Variants in CASS4 observed in about 807,000 individuals in gnomAD.
CASS4 encodes cas scaffolding protein family member 4.
CASS4 carries 22 observed loss-of-function variants against 54.2 expected under a neutral mutation model. That is an observed-to-expected ratio of 0.41 (90% confidence interval 0.29 to 0.58). CASS4 has a LOEUF of 0.58. Among genes scored for constraint, CASS4 ranks in the 20% least tolerant of loss-of-function variants. CASS4 has a pLI of 0.36. For synonymous variants in CASS4, 409 were observed against 391.5 expected (o/e 1.04, Z -0.53); for missense variants, 854 against 986.7 (o/e 0.87, Z 1.80).
intron 3 of CASS4, among the ~76,000 whole-genome samples, chr20:56,446,907 C>G (rs1172099682): frequency 6.6e-6 from 1 of 152,114 alleles, no homozygotes; most frequent in Non-Finnish European, 1.5e-5. Flanking sequence ...TGGTCACTCA[C>G]AGGTAATAAG....
rs751281257 is a variant in CASS4 at position 56,459,444 on chromosome 20, GTTC to G, written c.*704_*706del. 1 of 270,012 alleles carries G rather than the reference GTTC, an allele frequency of 3.7e-6. No individual in the cohort carries two copies. Among genetic ancestry groups the G allele is most frequent in the Non-Finnish European group, 7.8e-6 (1 of 128,352 alleles). 16.7% of individuals were successfully genotyped at this position (270,012 alleles called of 1,614,324 possible). On this transcript the variant is annotated 3_prime_UTR_variant, in exon 6 of 6. Transcript: ENST00000679887. ...TGCAATTCCTTATAGGGCTAGCTTGGTTCTTCTTCAATGTCTCCTTTTGGAGTT... is the reference window on the plus strand; with the variant it reads ...TGCAATTCCTTATAGGGCTAGCTTGGTTCTTCAATGTCTCCTTTTGGAGTT...
At chr20:56,416,416 G>T (rs765987665) in intron 1 of CASS4, among the ~76,000 whole-genome samples, 1 of 152,132 alleles carries the variant, frequency 6.6e-6, no homozygotes, top group Non-Finnish European at 1.5e-5. Flanking sequence ...CTTATTATAC[G>T]TAAGTTCTTA....
At chr20:56,442,999 A>G (rs1980528571) in intron 2 of CASS4, among the ~76,000 whole-genome samples, 1 of 151,524 alleles carries the variant, frequency 6.6e-6, no homozygotes, top group African/African-American at 2.4e-5. Flanking sequence ...ACAGTCAGCC[A>G]TCAAAATAAA....
In CASS4 at chr20:56,414,240, TG is replaced by T. The variant is rs1743868359; in HGVS notation, c.36+1747del. On this transcript the variant is annotated intron_variant, in intron 1 of 5. Transcript: ENST00000679887. This position sits in a 1 kb window ranked among gnomAD's most constrained non-coding sequence, Gnocchi z 4.1. The stretch of plus-strand genomic sequence containing the variant: ...GCTTTTCTGGCTGTTGTTGTTTGTG[TG>T]TGTGTTTGTCTTTCTGATCCAGGTG... Among the ~76,000 whole-genome samples the T allele has an allele frequency of 6.6e-6, 1 of 152,232 alleles. No homozygotes were observed. Among genetic ancestry groups the T allele is most frequent in the African/African-American group, 2.4e-5 (1 of 41,452 alleles).
chr20:56,413,672 CAA>C (rs35217347), intron 1 of CASS4, among the ~76,000 whole-genome samples: 3 of 28,310 alleles, frequency 1.1e-4, no homozygotes, highest in Admixed American at 3.6e-4. Flanking sequence ...GACTCTGTCT[CAA>C]AAAAAAAAAA....
upstream of CASS4, chr20:56,412,160 G>C (rs17462136): frequency 0.074 from 30,018 of 405,468 alleles, 1,421 homozygotes; most frequent in Middle Eastern, 0.14. The surrounding 1 kb of genome is among the most constrained non-coding windows in gnomAD (Gnocchi z 4.2). Flanking sequence ...GTTTCACATA[G>C]CAAATGAGTG....
In CASS4 at chr20:56,412,840, C is replaced by T. The variant is rs1978946106; in HGVS notation, c.36+346C>T. Among the ~76,000 whole-genome samples the T allele has an allele frequency of 6.6e-6, 1 of 152,216 alleles. No homozygotes were observed. Among genetic ancestry groups the T allele is most frequent in the Non-Finnish European group, 1.5e-5 (1 of 68,034 alleles). On this transcript the variant is annotated intron_variant, in intron 1 of 5. Transcript: ENST00000679887. The surrounding 1 kb of genome is among the most constrained non-coding windows in gnomAD (Gnocchi z 4.2). ...TCTTTCTCTGGACCCCAAAGACACT[C>T]AGTGCCACTCTAACTGTCCTATTTG...
chr20:56,435,698 G>A (rs575438307), intron 1 of CASS4, among the ~76,000 whole-genome samples: 5 of 152,244 alleles, frequency 3.3e-5, no homozygotes, highest in Non-Finnish European at 7.4e-5. Flanking sequence ...CTTTGTGACC[G>A]CAGGCAAGTC....
chr20:56,413,184 A>G (rs1396977729), intron 1 of CASS4, among the ~76,000 whole-genome samples: 2 of 150,278 alleles, frequency 1.3e-5, no homozygotes, highest in Non-Finnish European at 3.0e-5. Flanking sequence ...AAAAAAAAAA[A>G]GAAAAGAAAA....
intron 3 of CASS4, among the ~76,000 whole-genome samples, chr20:56,448,460 G>C (rs949129641): frequency 3.0e-4 from 46 of 152,120 alleles, no homozygotes; most frequent in Non-Finnish European, 1.0e-4. Context: ...TCCCAAGCCA[G>C]AGTCAGCGCC....
chr20:56,451,731 C>T (rs571751919), intron 4 of CASS4, 88 bp from the exon 5 acceptor site: 108 of 921,102 alleles, frequency 1.2e-4, no homozygotes, highest in Non-Finnish European at 1.6e-4. Context: ...ACTGAAGGAG[C>T]GGCGGAGTGA....
chr20:56,447,207 GA>G (rs60796590), intron 3 of CASS4, among the ~76,000 whole-genome samples: 49 of 137,946 alleles, frequency 3.6e-4, no homozygotes, highest in Middle Eastern at 3.7e-3. Flanking sequence ...GACTCTGTCT[GA>G]AAAAAAAAAA....
In CASS4 at chr20:56,460,366, A is replaced by G. The variant is rs1568686085; in HGVS notation, c.*1619A>G. On this transcript the variant is annotated 3_prime_UTR_variant, in exon 6 of 6. Coordinates refer to ENST00000679887, the MANE Select transcript of CASS4 (RefSeq NM_020356.4). ...TTGCACCACCCTAATAATATTAAAT[A>G]TAATCATGACTTTAAACATCATTTG... The G allele has an allele frequency of 1.3e-5, 2 of 152,620 alleles. No homozygotes were observed. Among genetic ancestry groups the G allele is most frequent in the Admixed American group, 6.5e-5 (1 of 15,288 alleles). The allele number at this position is 152,620 out of a possible 1,614,324, so 9.5% of individuals were successfully genotyped here.
chr20:56,443,822 C>T (rs951760361), intron 2 of CASS4, among the ~76,000 whole-genome samples: 1 of 152,118 alleles, frequency 6.6e-6, no homozygotes, highest in East Asian at 1.9e-4. Context: ...TTGTCTGAAG[C>T]GCTACATGAG....
intron 5 of CASS4, among the ~76,000 whole-genome samples, chr20:56,456,397 G>A (rs545857146): frequency 6.7e-6 from 1 of 148,556 alleles, no homozygotes; most frequent in South Asian, 2.1e-4. Context: ...TTTTTGAGAC[G>A]AAGTCTTGCT....
rs1282703301 is a variant in CASS4 at position 56,445,962 on chromosome 20, T to C, written c.522T>C (p.Tyr174=). Residue 174 remains tyrosine, a synonymous_variant, in exon 3 of 6, where the codon TAT becomes TAC. Transcript: ENST00000679887. ...ASLPTLPSQV[Y]DVPTQHRGPV... The stretch of plus-strand genomic sequence containing the variant: ...TGCCGACTCTGCCTTCCCAGGTGTA[T>C]GACGTGCCTACCCAGCACCGGGGCC... 2.5e-6 allele frequency: 4 copies of C among 1,613,960 alleles called. No homozygotes were observed. The African/African-American group carries it at 5.3e-5, about 22-fold the overall frequency.
chr20:56,452,527 G>T lies in CASS4; in HGVS notation c.1351G>T (p.Val451Leu). The change falls in exon 5 of 6, where the codon GTG becomes TTG. Residue 451 changes from valine (V) to leucine (L), a missense_variant. By Grantham distance (32) the Val-to-Leu change is conservative. Transcript: ENST00000679887. ...GACAGTGATGGCTCTGCAGCACAAG[G>T]TGGTCAGCTCTGTCGCTGGCCTGAT... ...KETVMALQHK[V>L]VSSVAGLMLF... 2 of 1,614,118 alleles carry T rather than the reference G, an allele frequency of 1.2e-6. No individual in the cohort carries two copies. The highest frequency in any genetic ancestry group is 1.7e-6 in the Non-Finnish European group (2 of 1,179,974).
chr20:56,432,374 T>TC (rs1274912600), intron 1 of CASS4, among the ~76,000 whole-genome samples: 31 of 142,306 alleles, frequency 2.2e-4, no homozygotes, highest in Non-Finnish European at 1.4e-4. Flanking sequence ...TTTTTTTTTT[T>TC]TTTTTTTTTG....
At position 56,451,801 on chromosome 20, in the gene CASS4, T is replaced by C. The variant is rs746138167; in HGVS notation, c.643-18T>C. 6.3e-7 allele frequency: 1 copy of C among 1,587,392 alleles called. No individual in the cohort carries two copies. The highest frequency in any genetic ancestry group is 8.6e-7 in the Non-Finnish European group (1 of 1,161,170). ...TGGAAAGCTACTAACCCGGCAACTATGTGTGGTTCTCCCACAGGGGCAGGG... is the reference window on the plus strand; with the variant it reads ...TGGAAAGCTACTAACCCGGCAACTACGTGTGGTTCTCCCACAGGGGCAGGG... On this transcript the variant is annotated intron_variant, in intron 4 of 5. Coordinates refer to ENST00000679887, the MANE Select transcript of CASS4 (RefSeq NM_020356.4).
Sources: gnomAD v4.1 joint callset for allele counts (sites outside exome capture counted in the v4.1 genomes callset) on GRCh38, gnomAD v4.1.1 for gene constraint, Gnocchi (gnomAD v3.1) non-coding constraint, MANE v1.5 for transcripts, NCBI Gene and HGNC (gene_info 2026-07-23, HGNC 2026-07-21) for gene names.